Variants in RTTN observed in about 807,000 individuals in gnomAD.
RTTN encodes the protein rotatin.
A neutral mutation model predicts 269.2 loss-of-function variants in RTTN; 182 were observed. The ratio of observed to expected loss-of-function variants is 0.68; its 90% CI spans 0.60 to 0.76. The LOEUF is 0.76. Ranked by LOEUF, RTTN falls within the 30% of genes least tolerant of loss-of-function variation. The pLI is 0.00. For synonymous variants in RTTN, 1,006 were observed against 963.5 expected, an observed-to-expected ratio of 1.04 and a Z score of -0.82; for missense variants, 2,545 against 2,608.6, an observed-to-expected ratio of 0.98 and a Z score of 0.53.
intron 23 of RTTN, 103 bp downstream of exon 23, chr18:70,134,370 G>A (rs2060070710): frequency 2.3e-6 from 2 of 884,154 alleles, no homozygotes; most frequent in Non-Finnish European, 1.8e-6. Context: ...CAAGTTATGG[G>A]ATTTAAATGC....
At chr18:70,122,500 G>A (rs1378856777) in intron 25 of RTTN, among the ~76,000 whole-genome samples, 1 of 152,082 alleles carries the variant, frequency 6.6e-6, no homozygotes, top group East Asian at 1.9e-4. Context: ...CCTTGTGCCA[G>A]CCTATGTTCT....
Position 70,184,716 on chromosome 18 carries a change from T to TTTTGTG in RTTN, c.1305+3391_1305+3392insCACAAA, listed in dbSNP as rs59000945. Among the ~76,000 whole-genome samples, 16 of 33,454 alleles carry TTTTGTG rather than the reference T, an allele frequency of 4.8e-4. 1 individual carries two copies. The highest frequency in any genetic ancestry group is 1.7e-3 in the South Asian group (1 of 606). 21.9% of individuals were successfully genotyped at this position (33,454 alleles called of 152,430 possible). A position where few individuals can be genotyped will look rare whatever the true frequency, so the allele number is the denominator to read the frequency against. On this transcript the variant is annotated intron_variant, in intron 10 of 48. Transcript: ENST00000640769. The stretch of plus-strand genomic sequence containing the variant: ...AAACCACAGCAGGTTTTTTTTTTTT[T>TTTTGTG]TGTGTGTGTGTGTGTGTGTGTGTGT...
At chr18:70,075,250 T>C in intron 33 of RTTN, 102 bp downstream of exon 33, 2 of 774,120 alleles carry the variant, frequency 2.6e-6, no homozygotes, top group Non-Finnish European at 2.0e-6. Flanking sequence ...GTTTTCCCTG[T>C]ATACTTTCAT....
chr18:70,074,033 T>TA (rs754321531), intron 33 of RTTN, 39 bp from the exon 34 acceptor site: 19 of 1,338,930 alleles, frequency 1.4e-5, no homozygotes, highest in Non-Finnish European at 1.9e-5. Context: ...GACACCCTCC[T>TA]AGGAACTGTA....
chr18:70,094,564 G>T (rs1314675389), intron 28 of RTTN, among the ~76,000 whole-genome samples: 2 of 152,168 alleles, frequency 1.3e-5, no homozygotes, highest in African/African-American at 4.8e-5. Flanking sequence ...TCAGGAGCAG[G>T]TTGTTCAGTT....
intron 19 of RTTN, among the ~76,000 whole-genome samples, chr18:70,140,438 T>A (rs2145717270): frequency 6.6e-6 from 1 of 152,286 alleles, no homozygotes; most frequent in Middle Eastern, 3.4e-3. Flanking sequence ...AAAAGAATTA[T>A]GGAACTAGTT....
chr18:70,140,062 A>G (rs1265450262), intron 20 of RTTN, 38 bp downstream of exon 20: 4 of 1,330,240 alleles, frequency 3.0e-6, no homozygotes, highest in Non-Finnish European at 4.3e-6. Flanking sequence ...TAATCAAAAC[A>G]GCCTGTAAAA....
At chr18:70,141,591 G>T (rs1047068292) in intron 19 of RTTN, among the ~76,000 whole-genome samples, 9 of 152,212 alleles carry the variant, frequency 5.9e-5, no homozygotes, top group African/African-American at 2.2e-4. Context: ...CTTGGACACA[G>T]GGCGGGGAAC....
rs768472607 is a variant in RTTN, at chr18:70,205,319, T to A, written c.32-4A>T. 12 of 1,613,912 alleles carry A rather than the reference T, an allele frequency of 7.4e-6. No homozygotes were observed. The African/African-American group carries it at 1.2e-4, about 16-fold the overall frequency. On this transcript the variant is annotated splice_region_variant and splice_polypyrimidine_tract_variant and intron_variant, in intron 1 of 48. Transcript: ENST00000640769. Reference sequence around the variant, plus strand: ...CTGATCTCGGCCAGCTGATGACCTGTCAACGAACGGCACAAAACTATTTTA... The same window carrying A: ...CTGATCTCGGCCAGCTGATGACCTGACAACGAACGGCACAAAACTATTTTA...
chr18:70,046,742 C>T (rs2057501882), intron 40 of RTTN, among the ~76,000 whole-genome samples: 2 of 152,260 alleles, frequency 1.3e-5, no homozygotes, highest in South Asian at 4.1e-4. Context: ...GAACGCTTCT[C>T]CCCTAGAGCT....
At chr18:70,153,257 C>T (rs1463311869) in intron 14 of RTTN, among the ~76,000 whole-genome samples, 1 of 151,630 alleles carries the variant, frequency 6.6e-6, no homozygotes, top group Non-Finnish European at 1.5e-5. Flanking sequence ...TATACATATT[C>T]TATACATATA....
chr18:70,189,767 C>A (rs1441106894), intron 9 of RTTN, among the ~76,000 whole-genome samples: 1 of 152,124 alleles, frequency 6.6e-6, no homozygotes, highest in East Asian at 1.9e-4. Flanking sequence ...AAATAATGCA[C>A]ACAAAACCAA....
intron 48 of RTTN, among the ~76,000 whole-genome samples, chr18:70,004,701 T>C (rs961180967): frequency 2.0e-5 from 3 of 152,168 alleles, no homozygotes; most frequent in Non-Finnish European, 4.4e-5. Flanking sequence ...TGTTTTAGCA[T>C]AAAAAATGTT....
chr18:70,112,483 C>CAAAAAAAAAAAAAAAA (rs36147576), intron 27 of RTTN, among the ~76,000 whole-genome samples: 6 of 68,048 alleles, frequency 8.8e-5, no homozygotes, highest in Non-Finnish European at 1.6e-4. Context: ...AAATGGAAAG[C>CAAAAAAAAAAAAAAAA]AAAAAAAAAA....
chr18:70,062,133 T>C (rs949156897), intron 35 of RTTN, among the ~76,000 whole-genome samples: 1 of 152,226 alleles, frequency 6.6e-6, no homozygotes, highest in Admixed American at 6.5e-5. Context: ...GTCCTAAAAA[T>C]ATGTCTGAGA....
At chr18:70,094,941 C>T (rs959909072) in intron 28 of RTTN, among the ~76,000 whole-genome samples, 5 of 151,670 alleles carry the variant, frequency 3.3e-5, no homozygotes, top group African/African-American at 1.2e-4. Context: ...AAATCTAAGT[C>T]TCTTTGTAGG....
At chr18:70,197,562 ATTTGC>A in intron 6 of RTTN, 57 bp downstream of exon 6, 1 of 998,590 alleles carries the variant, frequency 1.0e-6, no homozygotes, top group Non-Finnish European at 1.6e-6. Context: ...ACTCTGCAAA[ATTTGC>A]TTTATTGCAA....
At chr18:70,028,901 G>T (rs2056929310) in intron 42 of RTTN, 100 bp from the exon 43 acceptor site, 2 of 729,098 alleles carry the variant, frequency 2.7e-6, no homozygotes, top group African/African-American at 1.8e-5. Context: ...GACAATGCAG[G>T]TGTGCTCTAA....
chr18:70,116,997 G>C (rs1186453097), intron 26 of RTTN, among the ~76,000 whole-genome samples: 2 of 73,648 alleles, frequency 2.7e-5, no homozygotes, highest in African/African-American at 6.4e-5. Flanking sequence ...ATTAAAAACA[G>C]ATTAGAGGTG....
Sources: gnomAD v4.1 joint callset for allele counts (sites outside exome capture counted in the v4.1 genomes callset) on GRCh38, gnomAD v4.1.1 for gene constraint, MANE v1.5 for transcripts, NCBI Gene and HGNC (gene_info 2026-07-23, HGNC 2026-07-21) for gene names.